Variants in TDRD7 observed in about 807,000 individuals in gnomAD.
TDRD7 encodes the protein tudor domain-containing protein 7.
TDRD7 carries 47 observed loss-of-function variants against 109.8 expected under a neutral mutation model. The observed-to-expected ratio is 0.43, with a 90% CI of 0.34 to 0.55. TDRD7 has a LOEUF of 0.55. Among genes scored for constraint, TDRD7 ranks in the 20% least tolerant of loss-of-function variants. The pLI, the probability that TDRD7 is intolerant of heterozygous loss-of-function variation, is 0.03. For missense variants in TDRD7, 1,164 were observed against 1,319.2 expected (o/e 0.88, Z 1.82); for synonymous variants, 424 against 457.3 (o/e 0.93, Z 0.93).
At chr9:97,457,783 C>G (rs527872163) in intron 6 of TDRD7, among the ~76,000 whole-genome samples, 158 of 152,338 alleles carry the variant, frequency 1.0e-3, no homozygotes, top group African/African-American at 3.5e-3. Context: ...TGCGTACACA[C>G]TATGGAATAC....
chr9:97,416,360 T>C (rs953951136), intron 1 of TDRD7, among the ~76,000 whole-genome samples: 6 of 152,254 alleles, frequency 3.9e-5, no homozygotes, highest in Admixed American at 3.9e-4. Context: ...ACACTAGTAG[T>C]TGTGCTTGCA....
chr9:97,434,030 C>T (rs1180686104), intron 4 of TDRD7, among the ~76,000 whole-genome samples: 2 of 152,100 alleles, frequency 1.3e-5, no homozygotes, highest in Non-Finnish European at 1.5e-5. Context: ...CTATGAAATC[C>T]GTATATCAGT....
intron 5 of TDRD7, among the ~76,000 whole-genome samples, chr9:97,439,940 A>G (rs952215093): frequency 6.6e-6 from 1 of 152,072 alleles, no homozygotes; most frequent in African/African-American, 2.4e-5. Context: ...TCATAGACCC[A>G]CCCAGGGAGA....
At chr9:97,488,568 T>G (rs7469060) in intron 16 of TDRD7, among the ~76,000 whole-genome samples, 68,532 of 150,322 alleles carry the variant, frequency 0.46, 15,741 homozygotes, top group Admixed American at 0.52. Flanking sequence ...TGGTTTTTTT[T>G]TTTTTTTTTT....
chr9:97,463,032 G>C (rs1285877909), intron 7 of TDRD7, among the ~76,000 whole-genome samples: 1 of 152,248 alleles, frequency 6.6e-6, no homozygotes, highest in Non-Finnish European at 1.5e-5. Flanking sequence ...GGGCAGTCGG[G>C]TGCAGTTGCA....
intron 10 of TDRD7, among the ~76,000 whole-genome samples, chr9:97,473,107 G>A (rs1158870149): frequency 6.6e-6 from 1 of 152,130 alleles, no homozygotes; most frequent in Non-Finnish European, 1.5e-5. Flanking sequence ...ACTGATGATG[G>A]ATTTGATTTT....
rs1215797518 is a variant in TDRD7, at chr9:97,490,904, CT to C, written c.3076+3576del. ...ACCTCTGACCTCTAGCATTTCTTTT[CT>C]TTTCTTTTTTTTTTTTTTTTTTTTT... On this transcript the variant is annotated intron_variant, in intron 16 of 16. Transcript: ENST00000355295. Among the ~76,000 whole-genome samples the C allele has an allele frequency of 2.5e-5, 3 of 120,754 alleles. No individual in the cohort carries two copies. The East Asian group carries it at 7.9e-4, about 32-fold the overall frequency. The allele number at this position is 120,754 out of a possible 152,430, so 79.2% of individuals were successfully genotyped here.
intron 15 of TDRD7, among the ~76,000 whole-genome samples, chr9:97,484,487 CACA>C (rs1829177479): frequency 2.7e-5 from 4 of 150,796 alleles, no homozygotes; most frequent in Non-Finnish European, 3.0e-5. Flanking sequence ...CACACACACA[CACA>C]CACCCCAAAA....
chr9:97,478,709 T>A (rs188613822), intron 13 of TDRD7, 136 bp downstream of exon 13: 2 of 1,262,664 alleles, frequency 1.6e-6, no homozygotes, highest in African/African-American at 3.0e-5. Context: ...GGTTGTCTGC[T>A]GGTTTTCAGA....
rs973890265 is a variant in TDRD7, at chr9:97,460,213, T to A, written c.891T>A (p.Leu297=). 5 of 1,614,094 alleles carry A rather than the reference T, an allele frequency of 3.1e-6. No homozygotes were observed. The highest frequency in any genetic ancestry group is 4.2e-6 in the Non-Finnish European group (5 of 1,180,040). The change falls in exon 7 of 17, where the codon CTT becomes CTA. Residue 297 remains leucine, a synonymous_variant. Transcript: ENST00000355295. ...CTTGCAGTGGTGGCCAAGATTTACTTCTTTATCCAGCTAAGAGAAAGCAGC... is the reference window on the plus strand; with the variant it reads ...CTTGCAGTGGTGGCCAAGATTTACTACTTTATCCAGCTAAGAGAAAGCAGC... ...EKPCSGGQDL[L]LYPAKRKQLL...
chr9:97,483,952 A>G (rs1012877009), intron 15 of TDRD7, among the ~76,000 whole-genome samples: 2 of 152,126 alleles, frequency 1.3e-5, no homozygotes, highest in African/African-American at 4.8e-5. Context: ...TGAAATCATA[A>G]TTTACTTACC....
intron 6 of TDRD7, among the ~76,000 whole-genome samples, chr9:97,451,438 CA>C (rs1775951690): frequency 1.3e-5 from 2 of 152,080 alleles, no homozygotes; most frequent in African/African-American, 2.4e-5. Context: ...TATAGATGCA[CA>C]CTATCACATC....
chr9:97,438,326 G>A (rs1406371606), intron 4 of TDRD7, among the ~76,000 whole-genome samples: 1 of 152,082 alleles, frequency 6.6e-6, no homozygotes, highest in East Asian at 1.9e-4. Flanking sequence ...TCATTTCAAG[G>A]AATTGATCTA....
intron 10 of TDRD7, among the ~76,000 whole-genome samples, chr9:97,472,753 A>G (rs4743103): frequency 6.6e-6 from 1 of 151,868 alleles, no homozygotes; most frequent in Non-Finnish European, 1.5e-5. Flanking sequence ...TTGTAAAGAT[A>G]ATAAGGAAAA....
At chr9:97,433,348 T>G (rs1476054738) in intron 4 of TDRD7, among the ~76,000 whole-genome samples, 1 of 151,638 alleles carries the variant, frequency 6.6e-6, no homozygotes, top group Admixed American at 6.6e-5. Flanking sequence ...TTTTATAAGG[T>G]CTAGAAAATA....
At position 97,460,457 on chromosome 9, in the gene TDRD7, A is replaced by G. The variant is rs1828692623; in HGVS notation, c.1135A>G (p.Lys379Glu). ...AGTGAAATTCCCTGAGGATGCCTTA[A>G]AAAATCTTGCCTCACTTTCTGATGT... is the stretch of plus-strand genomic sequence containing the variant. ...YKVKFPEDALKNLASLSDVCS... is the reference protein window; with the variant it reads ...YKVKFPEDALENLASLSDVCS... Residue 379 changes from lysine to glutamate, a missense_variant, in exon 7 of 17, where the codon AAA becomes GAA. Physicochemically the swap from Lys to Glu is moderately conservative, Grantham distance 56. Around this residue, in one of 5 missense-constraint regions of TDRD7, gnomAD observed 407 missense variants for 394.0 expected, o/e 1.03. Transcript: ENST00000355295. 6.2e-7 allele frequency: 1 copy of G among 1,614,108 alleles called. No homozygotes were observed. Among genetic ancestry groups the G allele is most frequent in the African/African-American group, 1.3e-5 (1 of 74,946 alleles).
intron 1 of TDRD7, among the ~76,000 whole-genome samples, chr9:97,421,056 A>G (rs891818318): frequency 6.7e-6 from 1 of 150,004 alleles, no homozygotes; most frequent in African/African-American, 2.5e-5. Context: ...AATTGCTTGA[A>G]CCTGGGTGGC....
intron 7 of TDRD7, among the ~76,000 whole-genome samples, chr9:97,461,785 G>A (rs1052075754): frequency 4.6e-5 from 7 of 152,170 alleles, no homozygotes; most frequent in African/African-American, 1.4e-4. Context: ...CAGAATCTGG[G>A]CTCCTTCAAC....
intron 16 of TDRD7, among the ~76,000 whole-genome samples, chr9:97,493,170 C>CCTTT (rs1331677446): frequency 1.3e-5 from 2 of 152,060 alleles, no homozygotes; most frequent in Non-Finnish European, 2.9e-5. Context: ...GGATGCCCAC[C>CCTTT]CTTTCAAGGT....
Sources: gnomAD v4.1 joint callset for allele counts (sites outside exome capture counted in the v4.1 genomes callset) on GRCh38, gnomAD v4.1.1 for gene constraint, gnomAD v4.1.1 regional missense constraint, MANE v1.5 for transcripts, NCBI Gene and HGNC (gene_info 2026-07-23, HGNC 2026-07-21) for gene names.